MLLT6: variants seen among roughly 807,000 people sequenced by gnomAD.
The protein encoded by MLLT6 is MLLT6, PHD finger containing.
MLLT6 carries 22 observed loss-of-function variants against 103.0 expected under a neutral mutation model. The ratio of observed to expected loss-of-function variants is 0.21; its 90% CI spans 0.15 to 0.31. The LOEUF is 0.31. Among genes scored for constraint, MLLT6 ranks in the 10% least tolerant of loss-of-function variants. MLLT6 has a pLI of 1.00. For synonymous variants in MLLT6, 606 were observed against 623.5 expected (o/e 0.97, Z 0.42); for missense variants, 1,199 against 1,441.7 (o/e 0.83, Z 2.73).
rs1026722477 is a variant in MLLT6, at chr17:38,722,240, T to G, written c.2792+13T>G. 1 of 1,366,148 alleles carries G rather than the reference T, an allele frequency of 7.3e-7. No individual in the cohort carries two copies. 84.6% of individuals were successfully genotyped at this position (1,366,148 alleles called of 1,614,324 possible). On this transcript the variant is annotated intron_variant, in intron 17 of 19. Transcript: ENST00000621332. Reference sequence around the variant, plus strand: ...GCTGTCTCAACAGGTGAGGGAGAGCTCAGCCCTGGGAAGGGGAACAGGGTG... The same window carrying G: ...GCTGTCTCAACAGGTGAGGGAGAGCGCAGCCCTGGGAAGGGGAACAGGGTG...
chr17:38,709,158 C>G lies in MLLT6; in HGVS notation c.355-15C>G. 1 of 1,602,332 alleles carries G rather than the reference C, an allele frequency of 6.2e-7. No homozygotes were observed. The highest frequency in any genetic ancestry group is 8.5e-7 in the Non-Finnish European group (1 of 1,174,240). On this transcript the variant is annotated splice_polypyrimidine_tract_variant and intron_variant, in intron 4 of 19. Transcript: ENST00000621332. The surrounding 1 kb of genome is among the most constrained non-coding windows in gnomAD (Gnocchi z 4.3). ...GGCTCCCTGGAGGAGGGGACGATTGCGCTGTGTCCTGCAGACCTGTTACAT... is the reference window on the plus strand; with the variant it reads ...GGCTCCCTGGAGGAGGGGACGATTGGGCTGTGTCCTGCAGACCTGTTACAT...
Position 38,724,992 on chromosome 17 carries a change from G to A in MLLT6, c.3240+16G>A, listed in dbSNP as rs1367024726. Reference sequence around the variant, plus strand: ...CAAAGGAGGGGTGAGTAAGGGGCCCGGGGCCTTCCTGCCTCCCCTCTGAGG... The same window carrying A: ...CAAAGGAGGGGTGAGTAAGGGGCCCAGGGCCTTCCTGCCTCCCCTCTGAGG... On this transcript the variant is annotated intron_variant, in intron 19 of 19. Coordinates refer to ENST00000621332, the MANE Select transcript of MLLT6 (RefSeq NM_005937.4). The surrounding 1 kb of genome is among the most constrained non-coding windows in gnomAD (Gnocchi z 5.4). 15 of 1,475,038 alleles carry A rather than the reference G, an allele frequency of 1.0e-5. No individual in the cohort carries two copies. The highest frequency in any genetic ancestry group is 3.9e-5 in the South Asian group (3 of 77,662). The allele number at this position is 1,475,038 out of a possible 1,614,324, so 91.4% of individuals were successfully genotyped here. A position where few individuals can be genotyped will look rare whatever the true frequency, so the allele number is the denominator to read the frequency against.
intron 10 of MLLT6, 122 bp downstream of exon 10, chr17:38,717,103 G>C (rs549713848): frequency 8.1e-5 from 114 of 1,409,278 alleles, no homozygotes; most frequent in Non-Finnish European, 1.1e-4. Context: ...GAGCACGGAG[G>C]AGACAGTCAC....
intron 6 of MLLT6, among the ~76,000 whole-genome samples, chr17:38,710,432 A>G (rs1905107012): frequency 1.3e-5 from 2 of 152,194 alleles, no homozygotes; most frequent in South Asian, 4.2e-4. Context: ...GGAGAGTAAC[A>G]TGATCAGATT....
chr17:38,722,357 C>T (rs1905804976), intron 17 of MLLT6, 130 bp downstream of exon 17: 1 of 711,844 alleles, frequency 1.4e-6, no homozygotes, highest in African/African-American at 1.8e-5. Context: ...GGTATATAAT[C>T]CTAGTCACCT....
rs1055961490 is a variant in MLLT6, at chr17:38,728,580, G to A, written c.*2982G>A. On this transcript the variant is annotated 3_prime_UTR_variant, in exon 20 of 20. Coordinates refer to ENST00000621332, the MANE Select transcript of MLLT6 (RefSeq NM_005937.4). Reference sequence around the variant, plus strand: ...AGTGCCTGCTGTGGGGTCACAACTGGTGCATGCCAGCGCCAAAGGGACCTG... The same window carrying A: ...AGTGCCTGCTGTGGGGTCACAACTGATGCATGCCAGCGCCAAAGGGACCTG... 4.3e-6 allele frequency: 1 copy of A among 233,458 alleles called. No homozygotes were observed. Among genetic ancestry groups the A allele is most frequent in the Non-Finnish European group, 8.5e-6 (1 of 118,144 alleles). The allele number at this position is 233,458 out of a possible 1,614,324, so 14.5% of individuals were successfully genotyped here.
At chr17:38,707,050 C>G (rs989652679) in intron 2 of MLLT6, 21 bp downstream of exon 2, 22 of 1,596,864 alleles carry the variant, frequency 1.4e-5, no homozygotes, top group Non-Finnish European at 1.9e-5. Context: ...GACTGCCCCT[C>G]TCCACTCCCC....
chr17:38,719,452 G>T (rs368033401), intron 12 of MLLT6, 65 bp from the exon 13 acceptor site: 1 of 1,370,606 alleles, frequency 7.3e-7, no homozygotes, highest in South Asian at 1.2e-5. Context: ...ATATCCATCT[G>T]GGGGCGGGGA....
At position 38,729,212 on chromosome 17, in the gene MLLT6, C is replaced by T. The variant is rs1266784851; in HGVS notation, c.*3614C>T. On this transcript the variant is annotated 3_prime_UTR_variant, in exon 20 of 20. Coordinates refer to ENST00000621332, the MANE Select transcript of MLLT6 (RefSeq NM_005937.4). ...AGGATCTTCCTTGGTGTGCAATGGG[C>T]CAGTTAGGGGTAGGCAGCTTGCACC... is the stretch of plus-strand genomic sequence containing the variant. The T allele has an allele frequency of 4.3e-6, 1 of 233,212 alleles. No individual in the cohort carries two copies. The highest frequency in any genetic ancestry group is 6.0e-5 in the East Asian group (1 of 16,576). 14.4% of individuals were successfully genotyped at this position (233,212 alleles called of 1,614,324 possible). A position where few individuals can be genotyped will look rare whatever the true frequency, so the allele number is the denominator to read the frequency against.
chr17:38,715,997 T>C (rs1172909362), intron 9 of MLLT6, 169 bp downstream of exon 9: 2 of 669,720 alleles, frequency 3.0e-6, no homozygotes, highest in Non-Finnish European at 2.5e-6. Context: ...AACCCTTCCT[T>C]CTTGAACCAG....
chr17:38,708,128 C>T (rs774552563), intron 4 of MLLT6: 85 of 526,968 alleles, frequency 1.6e-4, no homozygotes, highest in Middle Eastern at 7.2e-4. Flanking sequence ...TTCATTCATT[C>T]GCTGGACACA....
rs368182505 is a variant in MLLT6 at position 38,726,270 on chromosome 17, T to G, written c.*672T>G. The G allele has an allele frequency of 1.1e-3, 246 of 234,064 alleles. 1 individual carries two copies. The highest frequency in any genetic ancestry group is 5.0e-3 in the African/African-American group (226 of 45,436). 14.5% of individuals were successfully genotyped at this position (234,064 alleles called of 1,614,324 possible). A position where few individuals can be genotyped will look rare whatever the true frequency, so the allele number is the denominator to read the frequency against. ...GGCAGGTGCGGGGAGGCTCTGGCCTTCCTTGGTGCCCCGCCCTTTGTTTGC... is the reference window on the plus strand; with the variant it reads ...GGCAGGTGCGGGGAGGCTCTGGCCTGCCTTGGTGCCCCGCCCTTTGTTTGC... On this transcript the variant is annotated 3_prime_UTR_variant, in exon 20 of 20. Transcript: ENST00000621332.
intron 12 of MLLT6, chr17:38,719,305 G>C (rs1042897637): frequency 5.2e-6 from 3 of 580,432 alleles, no homozygotes; most frequent in Non-Finnish European, 9.2e-6. Flanking sequence ...CAGCCCAGAG[G>C]AGGAAGAGAG....
intron 19 of MLLT6, 52 bp from the exon 20 acceptor site, chr17:38,725,505 G>C: frequency 6.4e-7 from 1 of 1,550,456 alleles, no homozygotes; most frequent in Middle Eastern, 1.7e-4. Flanking sequence ...CTTATCTGGG[G>C]GTTAGGACCT....
chr17:38,706,650 C>A (rs1401856157), intron 1 of MLLT6: 6 of 306,654 alleles, frequency 2.0e-5, no homozygotes, highest in Non-Finnish European at 3.6e-5. Context: ...ATGCTGATGG[C>A]TGGTCCGAGG....
Position 38,728,405 on chromosome 17 carries a change from G to C in MLLT6, c.*2807G>C, listed in dbSNP as rs1470924079. 4.3e-6 allele frequency: 1 copy of C among 233,316 alleles called. No homozygotes were observed. Among genetic ancestry groups the C allele is most frequent in the African/African-American group, 2.2e-5 (1 of 45,350 alleles). 14.5% of individuals were successfully genotyped at this position (233,316 alleles called of 1,614,324 possible). Reference sequence around the variant, plus strand: ...TTGTCTGGGGGAGGGGAAGGATGTGGTTTGCAGAGCGGAAGCAGAGTTTGG... The same window carrying C: ...TTGTCTGGGGGAGGGGAAGGATGTGCTTTGCAGAGCGGAAGCAGAGTTTGG... On this transcript the variant is annotated 3_prime_UTR_variant, in exon 20 of 20. Coordinates refer to ENST00000621332, the MANE Select transcript of MLLT6 (RefSeq NM_005937.4).
Position 38,712,675 on chromosome 17 carries a change from A to C in MLLT6, c.721-16A>C, listed in dbSNP as rs887556664. 6.3e-7 allele frequency: 1 copy of C among 1,577,502 alleles called. No individual in the cohort carries two copies. The highest frequency in any genetic ancestry group is 1.3e-5 in the African/African-American group (1 of 74,082). Reference sequence around the variant, plus strand: ...CAGCCCCCCAGCACAATATCTAGTCACCTCTCCCTCTCCAGAGTCGAAAGG... The same window carrying C: ...CAGCCCCCCAGCACAATATCTAGTCCCCTCTCCCTCTCCAGAGTCGAAAGG... On this transcript the variant is annotated splice_polypyrimidine_tract_variant and intron_variant, in intron 7 of 19. Coordinates refer to ENST00000621332, the MANE Select transcript of MLLT6 (RefSeq NM_005937.4).
At position 38,727,242 on chromosome 17, in the gene MLLT6, T is replaced by G. The variant is rs1381110114; in HGVS notation, c.*1644T>G. ...GTGCTGCTCAACTGTTTTTTTTTTC[T>G]GATACTGAAAATAATATTAATATTC... On this transcript the variant is annotated 3_prime_UTR_variant, in exon 20 of 20. Coordinates refer to ENST00000621332, the MANE Select transcript of MLLT6 (RefSeq NM_005937.4). 8.6e-6 allele frequency: 2 copies of G among 231,712 alleles called. No homozygotes were observed. Among genetic ancestry groups the G allele is most frequent in the Non-Finnish European group, 1.7e-5 (2 of 117,200 alleles). 14.4% of individuals were successfully genotyped at this position (231,712 alleles called of 1,614,324 possible).
rs932747984 is a variant in MLLT6, at chr17:38,719,815, A to G, written c.2075A>G (p.Gln692Arg). ...GCCTCTGCACCCTGTGGGGGCGGCC[A>G]GTTAGACCCGGCGGCCCCAGGGACG... is the stretch of plus-strand genomic sequence containing the variant. ...QTASAPCGGGQLDPAAPGTTN... is the reference protein window; with the variant it reads ...QTASAPCGGGRLDPAAPGTTN... Residue 692 changes from glutamine to arginine, a missense_variant, in exon 14 of 20, where the codon CAG becomes CGG. Around this residue, in one of 7 missense-constraint regions of MLLT6, gnomAD observed 1,034 missense variants for 1,091.5 expected, o/e 0.95. Transcript: ENST00000621332. The G allele has an allele frequency of 1.2e-6, 2 of 1,613,328 alleles. No individual in the cohort carries two copies. The highest frequency in any genetic ancestry group is 8.5e-7 in the Non-Finnish European group (1 of 1,179,834).
Sources: gnomAD v4.1 joint callset for allele counts (sites outside exome capture counted in the v4.1 genomes callset) on GRCh38, gnomAD v4.1.1 for gene constraint, gnomAD v4.1.1 regional missense constraint, Gnocchi (gnomAD v3.1) non-coding constraint, MANE v1.5 for transcripts, NCBI Gene and HGNC (gene_info 2026-07-23, HGNC 2026-07-21) for gene names.